Variants in SVIL observed in about 807,000 individuals in gnomAD.
SVIL encodes archvillin.
A neutral mutation model predicts 240.4 loss-of-function variants in SVIL; 101 were observed. That is an observed-to-expected ratio of 0.42 (90% CI 0.36 to 0.50). The LOEUF is 0.50. Among genes scored for constraint, SVIL ranks in the 20% least tolerant of loss-of-function variants. The probability of loss-of-function intolerance (pLI) is 0.01; values close to 1 mark genes in which losing one functional copy is unlikely to be tolerated. For missense variants in SVIL, 2,512 were observed against 2,818.7 expected (o/e 0.89, Z 2.46); for synonymous variants, 999 against 1,100.0 (o/e 0.91, Z 1.82).
chr10:29,550,019 TAAA>T (rs11339067), intron 6 of SVIL, among the ~76,000 whole-genome samples: 5,944 of 70,206 alleles, frequency 0.085, 154 homozygotes, highest in Admixed American at 0.18. Flanking sequence ...ACTTAAAGTA[TAAA>T]AAAAAAAAAA....
intron 6 of SVIL, 102 bp downstream of exon 6, chr10:29,550,495 A>C: frequency 7.9e-7 from 1 of 1,262,664 alleles, no homozygotes; most frequent in Non-Finnish European, 1.1e-6. Flanking sequence ...ATAAGCCTTG[A>C]CTTCCACATA....
intron 22 of SVIL, 152 bp from the exon 23 acceptor site, chr10:29,488,908 A>G (rs569972600): frequency 1.5e-4 from 130 of 871,522 alleles, no homozygotes; most frequent in South Asian, 1.3e-3. Context: ...TAAATGTGCA[A>G]TTCAATGCTT....
intron 6 of SVIL, among the ~76,000 whole-genome samples, chr10:29,540,544 C>A (rs1276318052): frequency 6.6e-6 from 1 of 152,196 alleles, no homozygotes; most frequent in African/African-American, 2.4e-5. Context: ...AAGGATGGGG[C>A]TTGGACCCAG....
chr10:29,723,029 A>G (rs7100022), intron 1 of SVIL, among the ~76,000 whole-genome samples: 57,420 of 152,162 alleles, frequency 0.38, 11,506 homozygotes, highest in East Asian at 0.49. Context: ...ATGACATTAG[A>G]TAAGTGAAAA....
intron 1 of SVIL, among the ~76,000 whole-genome samples, chr10:29,604,947 T>C (rs1230486092): frequency 6.6e-6 from 1 of 152,232 alleles, no homozygotes; most frequent in Non-Finnish European, 1.5e-5. Flanking sequence ...GATTAGGTTC[T>C]ATCTGCGATT....
In SVIL at chr10:29,647,828, T is replaced by C. The variant is rs190330048; in HGVS notation, c.-201+10141A>G. ...AGATTCCTTCAGTGTTTTTATAACA[T>C]TGCTTGCTTTCCCAATTTAGAAAGC... On this transcript the variant is annotated intron_variant, in intron 3 of 35. Coordinates refer to the SVIL transcript ENST00000375400. Among the ~76,000 whole-genome samples the C allele has an allele frequency of 2.1e-3, 320 of 152,248 alleles. 2 individuals are homozygous for C. The highest frequency in any genetic ancestry group is 6.5e-3 in the African/African-American group (268 of 41,540).
intron 2 of SVIL, among the ~76,000 whole-genome samples, chr10:29,682,583 A>C (rs1191600761): frequency 2.0e-5 from 3 of 152,230 alleles, no homozygotes; most frequent in African/African-American, 7.2e-5. Context: ...CATAATTAAT[A>C]AAAGGAACCA....
At chr10:29,687,897 A>AT (rs11435840) in intron 1 of SVIL, among the ~76,000 whole-genome samples, 74,336 of 151,940 alleles carry the variant, frequency 0.49, 18,430 homozygotes, top group African/African-American at 0.56. Flanking sequence ...TCAGTCACTA[A>AT]TTTGGTTATC....
chr10:29,483,854 G>T (rs1242853073), intron 27 of SVIL: 2 of 152,226 alleles, frequency 1.3e-5, no homozygotes, highest in African/African-American at 4.8e-5. Flanking sequence ...AGGCAGGAAA[G>T]TTGAAATTCA....
chr10:29,500,191 A>G (rs1948765982), intron 17 of SVIL, among the ~76,000 whole-genome samples: 1 of 152,016 alleles, frequency 6.6e-6, no homozygotes, highest in Non-Finnish European at 1.5e-5. Context: ...AGTGATGTGT[A>G]TTGGGGAGAA....
chr10:29,548,006 T>C (rs1252769993), intron 6 of SVIL, among the ~76,000 whole-genome samples: 1 of 152,206 alleles, frequency 6.6e-6, no homozygotes, highest in African/African-American at 2.4e-5. Context: ...TTTCAAAATA[T>C]GAGACAGTAA....
chr10:29,490,610 C>A (rs2040110127), intron 22 of SVIL, among the ~76,000 whole-genome samples: 1 of 148,358 alleles, frequency 6.7e-6, no homozygotes, highest in African/African-American at 2.4e-5. Flanking sequence ...AAAACCAAAC[C>A]CCAGTATAAT....
chr10:29,488,662 C>T lies in SVIL; in HGVS notation c.4287G>A (p.Thr1429=), dbSNP rs201401995. The T allele has an allele frequency of 1.8e-5, 29 of 1,612,868 alleles. No individual in the cohort carries two copies. Among genetic ancestry groups the T allele is most frequent in the South Asian group, 3.3e-5 (3 of 90,678 alleles). The change falls in exon 23 of 38, where the codon ACG becomes ACA. Residue 1429 remains threonine (T), a synonymous_variant. Transcript: ENST00000355867. ...CGGCGCTGTTGTTAGAGTTCTGTTC[C>T]GTCAGGTTGACGCTCCGCAGGCTGA... The part of the protein sequence containing the change: ...SNVSLRSVNL[T]EQNSNNSAVP...
At chr10:29,678,700 A>G (rs1960394215) in intron 2 of SVIL, among the ~76,000 whole-genome samples, 3 of 152,226 alleles carry the variant, frequency 2.0e-5, no homozygotes, top group Non-Finnish European at 4.4e-5. Flanking sequence ...CCTGAGTAAG[A>G]AGAATCAACA....
At chr10:29,630,171 T>G (rs1486920864) in intron 1 of SVIL, among the ~76,000 whole-genome samples, 1 of 152,084 alleles carries the variant, frequency 6.6e-6, no homozygotes, top group Non-Finnish European at 1.5e-5. Flanking sequence ...GCTATAGGCT[T>G]CTGCATCCCA....
rs1240342680 is a variant in SVIL at position 29,735,478 on chromosome 10, G to T, written c.-400+273C>A. Among the ~76,000 whole-genome samples the T allele has an allele frequency of 6.6e-6, 1 of 151,770 alleles. No individual in the cohort carries two copies. The highest frequency in any genetic ancestry group is 1.5e-5 in the Non-Finnish European group (1 of 67,860). ...CGAGGCGCGCTCCGGGGACGGAAGT[G>T]GGTGGGAGCCGCGGCCGCGCCGCGC... On this transcript the variant is annotated intron_variant, in intron 1 of 35. Coordinates refer to the SVIL transcript ENST00000375400. This position sits in a 1 kb window ranked among gnomAD's most constrained non-coding sequence, Gnocchi z 4.1.
chr10:29,593,834 C>A (rs1956480378), intron 1 of SVIL, among the ~76,000 whole-genome samples: 3 of 152,040 alleles, frequency 2.0e-5, no homozygotes, highest in Admixed American at 1.3e-4. Context: ...TGAGAAATGC[C>A]CTTTTATTCT....
intron 29 of SVIL, among the ~76,000 whole-genome samples, chr10:29,477,474 G>A (rs191904596): frequency 4.3e-4 from 65 of 152,270 alleles, no homozygotes; most frequent in African/African-American, 1.3e-3. Flanking sequence ...CTAGCAGGCC[G>A]GCCAGCATTG....
At chr10:29,487,015 C>T (rs1449144873) in intron 24 of SVIL, 148 bp downstream of exon 24, 2 of 979,596 alleles carry the variant, frequency 2.0e-6, no homozygotes, top group Non-Finnish European at 2.9e-6. Flanking sequence ...GTTTGAGAGA[C>T]ATTCAGGAAA....
Sources: allele counts gnomAD v4.1 joint callset (sites outside exome capture counted in the v4.1 genomes callset), GRCh38; gene constraint gnomAD v4.1.1; non-coding constraint Gnocchi (gnomAD v3.1); transcripts MANE v1.5; gene names NCBI Gene and HGNC (gene_info 2026-07-23, HGNC 2026-07-21).